The following SNX29 variants were observed in gnomAD, a reference collection of about 807,000 sequenced individuals.
SNX29 encodes the protein sorting nexin-29.
A neutral mutation model predicts 102.1 loss-of-function variants in SNX29; 78 were observed. The observed-to-expected ratio is 0.76, with a 90% CI of 0.64 to 0.92. The LOEUF (loss-of-function observed/expected upper bound fraction) is 0.92, where lower values mean the gene tolerates loss of function less well. SNX29 is among the 40% of genes least tolerant of loss of function. The probability of loss-of-function intolerance (pLI) is 0.00; values close to 1 mark genes in which losing one functional copy is unlikely to be tolerated. For missense variants in SNX29, 1,280 were observed against 1,061.7 expected (o/e 1.21, Z -2.86); for synonymous variants, 580 against 414.5 (o/e 1.40, Z -4.85).
chr16:12,248,289 C>T (rs886665588), intron 14 of SNX29, among the ~76,000 whole-genome samples: 4 of 152,160 alleles, frequency 2.6e-5, no homozygotes, highest in African/African-American at 9.7e-5. Flanking sequence ...TGTTCTTCAT[C>T]GTGTTGCATC....
chr16:12,526,582 A>G (rs568347528), intron 20 of SNX29: 13 of 531,092 alleles, frequency 2.4e-5, no homozygotes, highest in East Asian at 8.0e-5. Context: ...AATGGCCGCG[A>G]TAGTTCACGT....
chr16:12,007,302 C>G (rs1596574680), intron 3 of SNX29, among the ~76,000 whole-genome samples: 1 of 152,236 alleles, frequency 6.6e-6, no homozygotes, highest in East Asian at 1.9e-4. Flanking sequence ...GTCAGGAGTT[C>G]AAGACCAGCC....
chr16:12,105,054 GCTTA>G (rs1390210452), intron 11 of SNX29, among the ~76,000 whole-genome samples: 1 of 152,170 alleles, frequency 6.6e-6, no homozygotes, highest in Non-Finnish European at 1.5e-5. Context: ...GGAGATTGAG[GCTTA>G]CTTTGGAATT....
chr16:12,217,775 G>T (rs1189422947), intron 14 of SNX29, among the ~76,000 whole-genome samples: 1 of 152,202 alleles, frequency 6.6e-6, no homozygotes, highest in East Asian at 1.9e-4. Context: ...CTGGAATTCA[G>T]ACCCAGGTCT....
chr16:12,568,514 C>T lies in SNX29; in HGVS notation c.2327C>T (p.Thr776Ile), dbSNP rs763118960. The T allele has an allele frequency of 1.9e-6, 3 of 1,609,822 alleles. No homozygotes were observed. Among genetic ancestry groups the T allele is most frequent in the Non-Finnish European group, 2.5e-6 (3 of 1,179,842 alleles). The stretch of plus-strand genomic sequence containing the variant: ...TCTCCCTGCTCTTTCAGCGACATCA[C>T]CCCGCCCGGAGAGCCTGTGAACAGC... Reference protein sequence around the residue: ...IQLMPFFVDITPPGEPVNSRP... With the variant: ...IQLMPFFVDIIPPGEPVNSRP... Residue 776 changes from threonine (T) to isoleucine (I), a missense_variant, in exon 21 of 21, where the codon ACC becomes ATC. Transcript: ENST00000566228.
chr16:12,075,781 G>T (rs931061446), intron 10 of SNX29, among the ~76,000 whole-genome samples: 2 of 152,242 alleles, frequency 1.3e-5, no homozygotes, highest in African/African-American at 4.8e-5. Flanking sequence ...GGAGCCTACA[G>T]AGGCAGGCAG....
At chr16:12,517,099 A>G (rs1389549292) in intron 19 of SNX29, among the ~76,000 whole-genome samples, 2 of 152,214 alleles carry the variant, frequency 1.3e-5, no homozygotes, top group African/African-American at 4.8e-5. Context: ...GGCATCATTG[A>G]CGATGGCGTT....
At chr16:12,095,964 C>G (rs1034789305) in intron 11 of SNX29, among the ~76,000 whole-genome samples, 2 of 152,228 alleles carry the variant, frequency 1.3e-5, no homozygotes, top group African/African-American at 4.8e-5. Context: ...TCCAAACATT[C>G]GGCAGCTCCA....
At chr16:12,165,454 A>G (rs2055978088) in intron 13 of SNX29, among the ~76,000 whole-genome samples, 1 of 152,262 alleles carries the variant, frequency 6.6e-6, no homozygotes, top group Non-Finnish European at 1.5e-5. Flanking sequence ...CATGTAGGCA[A>G]AATAGTCAAT....
At position 12,079,053 on chromosome 16, in the gene SNX29, G is replaced by A. The variant is rs771944975; in HGVS notation, c.1402+138G>A. ...ACGTCCCTGGTTGTAGACTGGAGGT[G>A]TGGTACGTGCTTGTGGATATCCAGA... On this transcript the variant is annotated intron_variant, in intron 11 of 20. Transcript: ENST00000566228. 327 of 741,854 alleles carry A rather than the reference G, an allele frequency of 4.4e-4. 2 individuals carry two copies. The highest frequency in any genetic ancestry group is 1.0e-3 in the Admixed American group (35 of 34,812). 46.0% of individuals were successfully genotyped at this position (741,854 alleles called of 1,614,324 possible).
intron 1 of SNX29, 85 bp downstream of exon 1, chr16:11,976,898 C>G (rs1389649130): frequency 1.6e-6 from 2 of 1,284,772 alleles, no homozygotes; most frequent in African/African-American, 1.6e-5. Context: ...CCTGCGTCCT[C>G]GCGCCCCGCT....
intron 18 of SNX29, among the ~76,000 whole-genome samples, chr16:12,407,478 TAAAC>T (rs1184865762): frequency 2.0e-5 from 3 of 152,198 alleles, no homozygotes; most frequent in Admixed American, 1.3e-4. Flanking sequence ...AGCTACTAAA[TAAAC>T]AATCGTGAAA....
At chr16:12,541,327 A>T (rs1012764969) in intron 20 of SNX29, among the ~76,000 whole-genome samples, 1 of 152,282 alleles carries the variant, frequency 6.6e-6, no homozygotes, top group South Asian at 2.1e-4. Context: ...AGGACTTCTG[A>T]GTGCCAGAAT....
At position 12,072,720 on chromosome 16, in the gene SNX29, T is replaced by C. The variant is rs547645973; in HGVS notation, c.1319+3588T>C. On this transcript the variant is annotated intron_variant, in intron 10 of 20. Coordinates refer to ENST00000566228, the MANE Select transcript of SNX29 (RefSeq NM_032167.5). ...GGAGGATTCCCTCTTTTTCTATTGA[T>C]TGGAATAGTTTCAGAAGGAATGGTA... is the stretch of plus-strand genomic sequence containing the variant. Among the ~76,000 whole-genome samples the C allele has an allele frequency of 2.0e-4, 31 of 152,258 alleles. No individual in the cohort carries two copies. The South Asian group carries it at 5.8e-3, about 29-fold the overall frequency.
intron 14 of SNX29, among the ~76,000 whole-genome samples, chr16:12,208,964 G>T (rs1335758586): frequency 6.6e-6 from 1 of 152,134 alleles, no homozygotes; most frequent in African/African-American, 2.4e-5. Flanking sequence ...CTGGTAGAAG[G>T]TCTGTTCTGC....
At chr16:12,484,530 G>C (rs2088131715) in intron 19 of SNX29, among the ~76,000 whole-genome samples, 1 of 152,112 alleles carries the variant, frequency 6.6e-6, no homozygotes, top group South Asian at 2.1e-4. Flanking sequence ...TGGCCTCAGA[G>C]GTGTCCCCTG....
chr16:12,262,808 C>G (rs1053769257), intron 14 of SNX29, among the ~76,000 whole-genome samples: 1 of 152,224 alleles, frequency 6.6e-6, no homozygotes, highest in Non-Finnish European at 1.5e-5. Flanking sequence ...GTGTATAATT[C>G]ATTGGTTTTC....
At chr16:12,159,764 C>T (rs1393150169) in intron 13 of SNX29, among the ~76,000 whole-genome samples, 1 of 152,182 alleles carries the variant, frequency 6.6e-6, no homozygotes, top group Non-Finnish European at 1.5e-5. Flanking sequence ...ACTGGGAGAA[C>T]TCATACCTCA....
At chr16:12,244,694 T>A (rs1359166373) in intron 14 of SNX29, among the ~76,000 whole-genome samples, 1 of 152,220 alleles carries the variant, frequency 6.6e-6, no homozygotes, top group Admixed American at 6.5e-5. Flanking sequence ...TTTTCAGTAC[T>A]GATCAGAGCC....
Sources: gnomAD v4.1 joint callset for allele counts (sites outside exome capture counted in the v4.1 genomes callset) on GRCh38, gnomAD v4.1.1 for gene constraint, MANE v1.5 for transcripts, NCBI Gene and HGNC (gene_info 2026-07-23, HGNC 2026-07-21) for gene names.